The following POSTN variants were observed in gnomAD, a reference collection of about 807,000 sequenced individuals.
POSTN encodes osteoblast specific factor 2 (fasciclin I-like).
Under a neutral mutation model 104.5 loss-of-function variants are expected in POSTN, and 71 were observed. The observed-to-expected ratio is 0.68, with a 90% CI of 0.56 to 0.83. The LOEUF (loss-of-function observed/expected upper bound fraction) is 0.83. Ranked by LOEUF, POSTN falls within the 40% of genes least tolerant of loss-of-function variation. POSTN has a pLI of 0.00. For missense variants in POSTN, 949 were observed against 1,006.8 expected (o/e 0.94, Z 0.78); for synonymous variants, 355 against 340.7 (o/e 1.04, Z -0.46).
intron 16 of POSTN, 70 bp from the exon 17 acceptor site, chr13:37,574,722 T>C (rs1950357046): frequency 2.0e-6 from 3 of 1,466,060 alleles, no homozygotes; most frequent in Non-Finnish European, 1.8e-6. Context: ...TTTTTTTTTT[T>C]CCTTTTCTTT....
At chr13:37,574,416 G>A (rs181222797) in intron 17 of POSTN, among the ~76,000 whole-genome samples, 156 bp downstream of exon 17, 5 of 151,748 alleles carry the variant, frequency 3.3e-5, no homozygotes, top group East Asian at 1.9e-4. Flanking sequence ...TTTGCACTCC[G>A]CATTCTGCAA....
chr13:37,583,837 A>G lies in POSTN; in HGVS notation c.1243+132T>C, dbSNP rs762488706. On this transcript the variant is annotated intron_variant, in intron 9 of 22. Transcript: ENST00000379747. ...AGTAGAGACCATGTAGTGTTAACAC[A>G]TTGTATGTGTAGCCAATGCAGAAAC... 12 of 1,056,430 alleles carry G rather than the reference A, an allele frequency of 1.1e-5. No homozygotes were observed. The Admixed American group carries it at 2.3e-4, about 20-fold the overall frequency. The allele number at this position is 1,056,430 out of a possible 1,614,324, so 65.4% of individuals were successfully genotyped here. A position where few individuals can be genotyped will look rare whatever the true frequency, so the allele number is the denominator to read the frequency against.
Position 37,574,294 on chromosome 13 carries a change from T to A in POSTN, c.2089+278A>T, listed in dbSNP as rs202084439. 3.3e-5 allele frequency among the ~76,000 whole-genome samples: 5 copies of A among 151,814 alleles called. No homozygotes were observed. In the East Asian group the frequency reaches 7.7e-4, roughly 23 times the overall value. On this transcript the variant is annotated intron_variant, in intron 17 of 22. Coordinates refer to ENST00000379747, the MANE Select transcript of POSTN (RefSeq NM_006475.3). ...AGTAAAAAAAACTCATGTCTTTGTTTAGTGAGTATCTGTATACTAAGTTAA... is the reference window on the plus strand; with the variant it reads ...AGTAAAAAAAACTCATGTCTTTGTTAAGTGAGTATCTGTATACTAAGTTAA...
intron 21 of POSTN, chr13:37,568,946 T>C (rs1333044188): frequency 6.3e-6 from 1 of 158,918 alleles, no homozygotes; most frequent in East Asian, 1.8e-4. Flanking sequence ...ATATAATTTT[T>C]TAAATATAAA....
chr13:37,578,349 C>T (rs1335329753), intron 15 of POSTN, among the ~76,000 whole-genome samples: 1 of 152,004 alleles, frequency 6.6e-6, no homozygotes, highest in African/African-American at 2.4e-5. Flanking sequence ...TGAACAAAAC[C>T]ATGAAGAAAT....
chr13:37,585,028 T>C, intron 7 of POSTN, 100 bp from the exon 8 acceptor site: 1 of 1,486,444 alleles, frequency 6.7e-7, no homozygotes. Context: ...TTCCTTAAAA[T>C]GTAGTAAAAC....
At position 37,569,497 on chromosome 13, in the gene POSTN, G is replaced by T. The variant is rs555702246; in HGVS notation, c.2348-114C>A. The T allele has an allele frequency of 1.2e-5, 11 of 917,512 alleles. No homozygotes were observed. In the Admixed American group the frequency reaches 1.7e-4, roughly 14 times the overall value. 56.8% of individuals were successfully genotyped at this position (917,512 alleles called of 1,614,324 possible). A position where few individuals can be genotyped will look rare whatever the true frequency, so the allele number is the denominator to read the frequency against. The stretch of plus-strand genomic sequence containing the variant: ...AATAATGAATTCCAGCCCAACACTC[G>T]ATTCTTTCACAAATTTTAGTGCTGT... On this transcript the variant is annotated intron_variant, in intron 20 of 22. Transcript: ENST00000379747.
Position 37,574,164 on chromosome 13 carries a change from CT to C in POSTN, c.2089+407del, listed in dbSNP as rs532654192. On this transcript the variant is annotated intron_variant, in intron 17 of 22. Transcript: ENST00000379747. ...TGTTACACAATGAAAAATGCCTATA[CT>C]TTTTTTTTTTGGAAGAGCTTCTTGC... Among the ~76,000 whole-genome samples the C allele has an allele frequency of 8.6e-4, 125 of 144,622 alleles. 1 individual carries two copies. The South Asian group carries it at 0.011, about 13-fold the overall frequency. The allele number at this position is 144,622 out of a possible 152,430, so 94.9% of individuals were successfully genotyped here. A position where few individuals can be genotyped will look rare whatever the true frequency, so the allele number is the denominator to read the frequency against.
At position 37,569,911 on chromosome 13, in the gene POSTN, G is replaced by A. The variant is rs79727266; in HGVS notation, c.2270-90C>T. 1.9e-3 allele frequency: 1,622 copies of A among 838,230 alleles called. 20 individuals carry two copies. The African/African-American group carries it at 0.024, about 13-fold the overall frequency. The allele number at this position is 838,230 out of a possible 1,614,324, so 51.9% of individuals were successfully genotyped here. A position where few individuals can be genotyped will look rare whatever the true frequency, so the allele number is the denominator to read the frequency against. On this transcript the variant is annotated intron_variant, in intron 19 of 22. Coordinates refer to ENST00000379747, the MANE Select transcript of POSTN (RefSeq NM_006475.3). ...GAGAGTAAGTATTTTACACTTGTGG[G>A]CCATGTAGTCTGTGTTGCCATTGTT...
chr13:37,591,873 A>G lies in POSTN; in HGVS notation c.283+227T>C, dbSNP rs186146618. 1.8e-4 allele frequency among the ~76,000 whole-genome samples: 27 copies of G among 152,296 alleles called. No homozygotes were observed. In the East Asian group the frequency reaches 5.0e-3, roughly 28 times the overall value. On this transcript the variant is annotated intron_variant, in intron 3 of 22. Coordinates refer to ENST00000379747, the MANE Select transcript of POSTN (RefSeq NM_006475.3). ...TCCTGAAGGGAAGCTGAACTAATTT[A>G]AATTTGTGACTAAGTTTCTGTTGTA...
rs370835147 is a variant in POSTN at position 37,588,442 on chromosome 13, C to T, written c.442-456G>A. On this transcript the variant is annotated intron_variant, in intron 4 of 22. Transcript: ENST00000379747. ...GTCCTGTACCTTTTTATCTATCCAA[C>T]ACTATGTGTCATATTATGCTTTACT... 6.6e-5 allele frequency among the ~76,000 whole-genome samples: 10 copies of T among 152,254 alleles called. No homozygotes were observed. In the East Asian group the frequency reaches 1.9e-3, roughly 29 times the overall value.
intron 3 of POSTN, 76 bp from the exon 4 acceptor site, chr13:37,590,605 G>T (rs768661988): frequency 5.6e-6 from 7 of 1,252,830 alleles, no homozygotes; most frequent in Non-Finnish European, 7.5e-6. Flanking sequence ...TAAACTTTAT[G>T]CTGTGTTTCC....
At position 37,571,460 on chromosome 13, in the gene POSTN, T is replaced by A; in HGVS notation, c.2090-2A>T. On this transcript the variant is annotated splice_acceptor_variant, in intron 17 of 22. Coordinates refer to ENST00000379747, the MANE Select transcript of POSTN (RefSeq NM_006475.3). LOFTEE classifies it high-confidence loss of function. The stretch of plus-strand genomic sequence containing the variant: ...TTTTGACTTTTGTTAGTGTGGGTCC[T>A]GGGACATTATTTTAGGAGACAAATT... 6.3e-7 allele frequency: 1 copy of A among 1,586,856 alleles called. No homozygotes were observed. Among genetic ancestry groups the A allele is most frequent in the Non-Finnish European group, 8.6e-7 (1 of 1,156,728 alleles).
intron 6 of POSTN, among the ~76,000 whole-genome samples, chr13:37,586,496 G>A (rs1302584006): frequency 2.0e-5 from 3 of 152,102 alleles, no homozygotes; most frequent in South Asian, 2.1e-4. Flanking sequence ...CCATGTTTAT[G>A]GGACTGTAGC....
At chr13:37,574,063 G>A (rs560417699) in intron 17 of POSTN, among the ~76,000 whole-genome samples, 14 of 151,494 alleles carry the variant, frequency 9.2e-5, no homozygotes, top group Middle Eastern at 3.4e-3. Context: ...TAATTCTGAT[G>A]GTCTAATTAA....
At chr13:37,564,032 A>G (rs915131212) in intron 22 of POSTN, among the ~76,000 whole-genome samples, 2 of 151,080 alleles carry the variant, frequency 1.3e-5, no homozygotes, top group African/African-American at 4.8e-5. Flanking sequence ...TATGTCTCAA[A>G]CTGTAGCATT....
At chr13:37,591,966 CA>C in intron 3 of POSTN, 133 bp downstream of exon 3, 2 of 547,256 alleles carry the variant, frequency 3.7e-6, no homozygotes, top group South Asian at 3.0e-5. Context: ...ATGATTAACA[CA>C]AAAATAGGAG....
chr13:37,566,210 T>C (rs1277609435), intron 21 of POSTN, among the ~76,000 whole-genome samples: 1 of 152,228 alleles, frequency 6.6e-6, no homozygotes, highest in African/African-American at 2.4e-5. Context: ...TATTAGATCA[T>C]GTTTAGAGCA....
At chr13:37,579,418 GAAAC>G in intron 12 of POSTN, 59 bp from the exon 13 acceptor site, 1 of 1,310,204 alleles carries the variant, frequency 7.6e-7, no homozygotes, top group Non-Finnish European at 1.1e-6. Flanking sequence ...TAAGGACTAA[GAAAC>G]AAAACACTTA....
Sources: gnomAD v4.1 joint callset for allele counts (sites outside exome capture counted in the v4.1 genomes callset) on GRCh38, gnomAD v4.1.1 for gene constraint, MANE v1.5 for transcripts, NCBI Gene and HGNC (gene_info 2026-07-23, HGNC 2026-07-21) for gene names.